SBF2: variants seen among roughly 807,000 people sequenced by gnomAD.
SBF2 encodes myotubularin-related protein 13.
In SBF2, 112 loss-of-function variants were observed where a neutral mutation model predicts 225.2. The ratio of observed to expected loss-of-function variants is 0.50; its 90% CI spans 0.43 to 0.58. The LOEUF (loss-of-function observed/expected upper bound fraction) is 0.58, where lower values mean the gene tolerates loss of function less well. Ranked by LOEUF, SBF2 falls within the 20% of genes least tolerant of loss-of-function variation. SBF2 has a pLI of 0.00. For synonymous variants in SBF2, 763 were observed against 773.3 expected (o/e 0.99, Z 0.22); for missense variants, 1,996 against 2,206.2 (o/e 0.90, Z 1.91).
At chr11:10,230,896 G>A (rs1164925204) in intron 1 of SBF2, among the ~76,000 whole-genome samples, 3 of 152,138 alleles carry the variant, frequency 2.0e-5, no homozygotes, top group South Asian at 2.1e-4. Flanking sequence ...ATAATATCCT[G>A]CAGAGTGTTT....
At chr11:10,228,905 C>T (rs985860907) in intron 1 of SBF2, among the ~76,000 whole-genome samples, 1 of 151,688 alleles carries the variant, frequency 6.6e-6, no homozygotes. Context: ...CCAGCTCCTC[C>T]TTGTACCTCT....
At chr11:9,885,632 T>C (rs1287926228) in intron 17 of SBF2, among the ~76,000 whole-genome samples, 1 of 152,202 alleles carries the variant, frequency 6.6e-6, no homozygotes, top group African/African-American at 2.4e-5. Context: ...TATATTATAT[T>C]CTATACATGG....
intron 17 of SBF2, among the ~76,000 whole-genome samples, chr11:9,892,437 A>C (rs939694117): frequency 2.0e-5 from 3 of 152,042 alleles, no homozygotes; most frequent in African/African-American, 7.2e-5. Context: ...CCTGACCCTC[A>C]TTCCCACTCC....
chr11:9,864,536 A>G (rs751264083), intron 17 of SBF2, among the ~76,000 whole-genome samples: 3 of 151,944 alleles, frequency 2.0e-5, no homozygotes, highest in Non-Finnish European at 4.4e-5. Flanking sequence ...ACAGGCACAC[A>G]CCACCATGCC....
intron 16 of SBF2, among the ~76,000 whole-genome samples, chr11:9,941,335 A>T (rs1590547776): frequency 8.6e-6 from 1 of 116,214 alleles, no homozygotes; most frequent in Admixed American, 9.1e-5. Context: ...AGTAAAAATA[A>T]AAAAAAAAAA....
At chr11:10,088,722 G>A (rs917013460) in intron 2 of SBF2, among the ~76,000 whole-genome samples, 1 of 152,134 alleles carries the variant, frequency 6.6e-6, no homozygotes, top group African/African-American at 2.4e-5. Context: ...TTTTTGAGGG[G>A]GTGTACCCCC....
chr11:9,894,107 C>T (rs1013115692), intron 17 of SBF2, among the ~76,000 whole-genome samples: 6 of 151,056 alleles, frequency 4.0e-5, no homozygotes, highest in Non-Finnish European at 7.4e-5. Context: ...ATCAGCCAGG[C>T]GTGGTGGCTC....
At chr11:10,230,309 C>T (rs1958781518) in intron 1 of SBF2, among the ~76,000 whole-genome samples, 1 of 152,182 alleles carries the variant, frequency 6.6e-6, no homozygotes, top group Non-Finnish European at 1.5e-5. Context: ...AGACCATTTA[C>T]ATTTAAGGTT....
intron 9 of SBF2, among the ~76,000 whole-genome samples, chr11:9,997,762 A>AGCTT (rs1947770806): frequency 6.6e-6 from 1 of 152,256 alleles, no homozygotes; most frequent in African/African-American, 2.4e-5. Context: ...TGGGCGACAG[A>AGCTT]GCAAGACTCC....
chr11:10,059,789 A>G (rs1950366348), intron 2 of SBF2, among the ~76,000 whole-genome samples: 1 of 152,240 alleles, frequency 6.6e-6, no homozygotes, highest in African/African-American at 2.4e-5. Context: ...TTTGGGGTAA[A>G]TAATGAAATT....
At chr11:9,873,250 A>T (rs939572714) in intron 17 of SBF2, among the ~76,000 whole-genome samples, 1 of 149,690 alleles carries the variant, frequency 6.7e-6, no homozygotes, top group Non-Finnish European at 1.5e-5. Context: ...AAAATGCTCT[A>T]TGTAGTTTGT....
chr11:9,970,022 G>A (rs1867222439), intron 13 of SBF2, among the ~76,000 whole-genome samples: 1 of 151,990 alleles, frequency 6.6e-6, no homozygotes, highest in South Asian at 2.1e-4. Flanking sequence ...TAGTTAAGCA[G>A]GATTAGATCT....
chr11:10,158,483 A>G (rs1955577229), intron 2 of SBF2, among the ~76,000 whole-genome samples: 1 of 152,170 alleles, frequency 6.6e-6, no homozygotes, highest in Non-Finnish European at 1.5e-5. Context: ...TCAGAAATAA[A>G]ACAGCCAACA....
At chr11:9,907,673 C>A (rs925793710) in intron 16 of SBF2, among the ~76,000 whole-genome samples, 2 of 152,096 alleles carry the variant, frequency 1.3e-5, no homozygotes, top group African/African-American at 2.4e-5. Context: ...TAATATCAAG[C>A]TTTATTTTAA....
At chr11:9,818,237 G>A (rs147173432) in intron 28 of SBF2, among the ~76,000 whole-genome samples, 268 of 152,264 alleles carry the variant, frequency 1.8e-3, no homozygotes, top group African/African-American at 5.8e-3. Context: ...GAGCCACCAC[G>A]CCCAGCCAGA....
intron 14 of SBF2, 150 bp from the exon 15 acceptor site, chr11:9,964,032 C>A: frequency 3.2e-6 from 2 of 620,698 alleles, no homozygotes; most frequent in Middle Eastern, 4.4e-4. Context: ...GGGATGATCC[C>A]TTGAGCCCAG....
At chr11:9,895,777 A>C (rs1225030536) in intron 17 of SBF2, among the ~76,000 whole-genome samples, 166 bp downstream of exon 17, 1 of 152,210 alleles carries the variant, frequency 6.6e-6, no homozygotes, top group Non-Finnish European at 1.5e-5. Context: ...TTCTATATTA[A>C]ATTTCCTACA....
intron 6 of SBF2, among the ~76,000 whole-genome samples, chr11:10,008,768 C>G (rs1247359043): frequency 6.6e-6 from 1 of 152,214 alleles, no homozygotes; most frequent in Non-Finnish European, 1.5e-5. Context: ...TGAGGGGGGC[C>G]TACAGTCCAG....
intron 2 of SBF2, among the ~76,000 whole-genome samples, chr11:10,193,620 G>A (rs1957264640): frequency 6.6e-6 from 1 of 152,002 alleles, no homozygotes; most frequent in South Asian, 2.1e-4. Context: ...CCAAAGTGCT[G>A]GGATTACAGG....
Sources: gnomAD v4.1 joint callset for allele counts (sites outside exome capture counted in the v4.1 genomes callset) on GRCh38, gnomAD v4.1.1 for gene constraint, MANE v1.5 for transcripts, NCBI Gene and HGNC (gene_info 2026-07-23, HGNC 2026-07-21) for gene names.